The following WDR4 variants were observed in gnomAD, a reference collection of about 807,000 sequenced individuals.
The protein encoded by WDR4 is WDR4 tRNA N7-guanosine methyltransferase non-catalytic subunit.
Under a neutral mutation model 48.6 loss-of-function variants are expected in WDR4, and 47 were observed. The observed-to-expected ratio is 0.97, with a 90% CI of 0.77 to 1.23. WDR4 has a LOEUF of 1.23. Among genes scored for constraint, WDR4 ranks in the 50% most tolerant of loss-of-function variants. The probability of loss-of-function intolerance (pLI) is 0.00; values close to 1 mark genes in which losing one functional copy is unlikely to be tolerated. For synonymous variants in WDR4, 268 were observed against 230.0 expected (o/e 1.17, Z -1.49); for missense variants, 606 against 551.6 (o/e 1.10, Z -0.99).
At chr21:42,892,458 G>C in the WDR4 span, among the ~76,000 whole-genome samples, 2 of 149,450 alleles carry the variant, frequency 1.3e-5, no homozygotes, top group Non-Finnish European at 3.0e-5. Context: ...GCCTCATTCC[G>C]CCAGTTTATC....
rs548170914 is a variant in WDR4, at chr21:42,849,762, C to T, written c.*287G>A. The T allele has an allele frequency of 8.4e-6, 3 of 355,604 alleles. No individual in the cohort carries two copies. The highest frequency in any genetic ancestry group is 9.0e-5 in the South Asian group (2 of 22,134). 22.0% of individuals were successfully genotyped at this position (355,604 alleles called of 1,614,324 possible). ...ACAGGAGAAACACAGACAGCTGCCG[C>T]CACCACCGGCTCACACGCAGCCTCC... On this transcript the variant is annotated 3_prime_UTR_variant, in exon 11 of 11. Coordinates refer to ENST00000398208, the MANE Select transcript of WDR4 (RefSeq NM_018669.6).
At position 42,863,300 on chromosome 21, in the gene WDR4, G is replaced by A. The variant is rs1010357648; in HGVS notation, c.453+140C>T. The A allele has an allele frequency of 4.5e-5, 46 of 1,026,028 alleles. 1 individual carries two copies. In the South Asian group the frequency reaches 5.3e-4, roughly 12 times the overall value. 63.6% of individuals were successfully genotyped at this position (1,026,028 alleles called of 1,614,324 possible). On this transcript the variant is annotated intron_variant, in intron 4 of 10. Transcript: ENST00000398208. ...GTACCCCACATACCATGTCCCCCAC[G>A]TACTGCGTCTAACAGCATGGACAGG...
chr21:42,853,740 G>A lies in WDR4; in HGVS notation c.804C>T (p.Val268=), dbSNP rs369996314. 2 of 1,557,368 alleles carry A rather than the reference G, an allele frequency of 1.3e-6. No homozygotes were observed. Among genetic ancestry groups the A allele is most frequent in the Non-Finnish European group, 8.7e-7 (1 of 1,150,462 alleles). The change falls in exon 9 of 11, where the codon GTC becomes GTT. Residue 268 remains valine, a synonymous_variant. Transcript: ENST00000398208. ...VALLCDGTPV[V]YIFQLDARRQ... is the part of the protein sequence containing the mutation. ...TGCGGGCGTCCAGCTGGAAGATGTA[G>A]ACCACAGGAGTGCTTGCCACGAAGA...
chr21:42,892,783 G>A, the WDR4 span, among the ~76,000 whole-genome samples: 1 of 152,232 alleles, frequency 6.6e-6, no homozygotes, highest in Non-Finnish European at 1.5e-5. Flanking sequence ...CCATGCAGGA[G>A]GGGCAGTGAG....
At chr21:42,868,021 T>C (rs1381313108) in intron 3 of WDR4, among the ~76,000 whole-genome samples, 1 of 152,132 alleles carries the variant, frequency 6.6e-6, no homozygotes, top group Non-Finnish European at 1.5e-5. Flanking sequence ...GGTATCTGCA[T>C]CCACCACGAG....
At chr21:42,865,413 G>C (rs1469140332) in intron 3 of WDR4, among the ~76,000 whole-genome samples, 1 of 152,148 alleles carries the variant, frequency 6.6e-6, no homozygotes, top group East Asian at 1.9e-4. Flanking sequence ...ACAGGGAGGG[G>C]GGATGGACTT....
chr21:42,848,764 G>A (rs1416272409), downstream of WDR4, among the ~76,000 whole-genome samples: 2 of 47,830 alleles, frequency 4.2e-5, no homozygotes, highest in African/African-American at 2.0e-4. Flanking sequence ...ACGATCACGC[G>A]GCGCGCACCT....
intron 2 of WDR4, among the ~76,000 whole-genome samples, chr21:42,875,053 ACT>A (rs2058460866): frequency 6.6e-6 from 1 of 151,870 alleles, no homozygotes; most frequent in Non-Finnish European, 1.5e-5. Context: ...TCTCTTTTGT[ACT>A]CTGTCCCTTT....
intron 1 of WDR4, among the ~76,000 whole-genome samples, chr21:42,877,255 C>T (rs1367829437): frequency 1.3e-5 from 2 of 150,974 alleles, no homozygotes; most frequent in African/African-American, 2.4e-5. Flanking sequence ...GCAATTCTCC[C>T]GCCTCAGCCT....
chr21:42,856,287 T>C (rs2057989381), intron 6 of WDR4, among the ~76,000 whole-genome samples: 1 of 152,208 alleles, frequency 6.6e-6, no homozygotes, highest in Admixed American at 6.5e-5. Context: ...CGACAACTGG[T>C]ACAACCCTTC....
intron 6 of WDR4, among the ~76,000 whole-genome samples, chr21:42,858,975 G>A (rs905746243): frequency 3.3e-5 from 5 of 152,160 alleles, no homozygotes; most frequent in African/African-American, 1.2e-4. Context: ...CAGACCCTGT[G>A]AGGAATCCAA....
chr21:42,846,077 G>C (rs1406987379), downstream of WDR4, among the ~76,000 whole-genome samples: 1 of 151,956 alleles, frequency 6.6e-6, no homozygotes, highest in Non-Finnish European at 1.5e-5. Flanking sequence ...GCGAGCCAAG[G>C]TCACACCACT....
intron 3 of WDR4, among the ~76,000 whole-genome samples, chr21:42,868,721 A>C (rs2058305213): frequency 6.6e-6 from 1 of 152,172 alleles, no homozygotes; most frequent in East Asian, 1.9e-4. Flanking sequence ...CCACCTCTGG[A>C]GGGGCTGGGA....
intron 2 of WDR4, among the ~76,000 whole-genome samples, chr21:42,874,355 G>A (rs1035741040): frequency 6.6e-6 from 1 of 152,144 alleles, no homozygotes; most frequent in Non-Finnish European, 1.5e-5. Flanking sequence ...TCGGGACCCT[G>A]TGATAATTGC....
intron 9 of WDR4, among the ~76,000 whole-genome samples, chr21:42,852,641 C>T (rs369717507): frequency 6.6e-6 from 1 of 152,350 alleles, no homozygotes; most frequent in African/African-American, 2.4e-5. Flanking sequence ...CCAGGTCAGG[C>T]GCAGTGGCTC....
At chr21:42,892,911 G>A in the WDR4 span, among the ~76,000 whole-genome samples, 4 of 152,356 alleles carry the variant, frequency 2.6e-5, no homozygotes, top group South Asian at 6.2e-4. Context: ...AATCAAGTAG[G>A]ACCAGACTGT....
At chr21:42,870,222 G>A (rs1255901513) in intron 3 of WDR4, among the ~76,000 whole-genome samples, 1 of 150,810 alleles carries the variant, frequency 6.6e-6, no homozygotes, top group Non-Finnish European at 1.5e-5. Context: ...ATGGTGGTAA[G>A]TGCCTGTAAT....
chr21:42,854,207 C>T (rs1206414015), intron 8 of WDR4, among the ~76,000 whole-genome samples: 1 of 152,244 alleles, frequency 6.6e-6, no homozygotes. Context: ...CCCACCTTGT[C>T]AGCACCGCCA....
In WDR4 at chr21:42,853,715, T is replaced by A; in HGVS notation, c.829A>T (p.Arg277Ter). 6.4e-7 allele frequency: 1 copy of A among 1,567,134 alleles called. No individual in the cohort carries two copies. The highest frequency in any genetic ancestry group is 8.7e-7 in the Non-Finnish European group (1 of 1,155,722). ...TGCTGCCTGTACACCAACTGCTGTC[T>A]GCGGGCGTCCAGCTGGAAGATGTAG... ...VVYIFQLDAR[R>*]QQLVYRQQLA... The change falls in exon 9 of 11, where the codon AGA becomes TGA. Residue 277 changes from arginine (R) to a stop codon, truncating the protein, a stop_gained. Transcript: ENST00000398208. LOFTEE classifies it high-confidence loss of function.
Sources: allele counts gnomAD v4.1 joint callset (sites outside exome capture counted in the v4.1 genomes callset), GRCh38; gene constraint gnomAD v4.1.1; transcripts MANE v1.5; gene names NCBI Gene and HGNC (gene_info 2026-07-23, HGNC 2026-07-21).